The following CLEC12A variants were observed in gnomAD, a reference collection of about 807,000 sequenced individuals.
The protein encoded by CLEC12A is C-type lectin protein CLL-1.
In CLEC12A, 22 loss-of-function variants were observed where a neutral mutation model predicts 26.5. That is an observed-to-expected ratio of 0.83 (90% confidence interval 0.59 to 1.19). The LOEUF (loss-of-function observed/expected upper bound fraction) is 1.19. CLEC12A is among the 50% of genes most tolerant of loss of function. The probability of loss-of-function intolerance (pLI) is 0.00; values close to 1 mark genes in which losing one functional copy is unlikely to be tolerated. For synonymous variants in CLEC12A, 119 were observed against 101.9 expected (o/e 1.17, Z -1.01); for missense variants, 353 against 315.6 (o/e 1.12, Z -0.90).
At chr12:9,956,784 T>C (rs947814516) in intron 1 of CLEC12A, among the ~76,000 whole-genome samples, 4 of 152,212 alleles carry the variant, frequency 2.6e-5, no homozygotes, top group Admixed American at 1.3e-4. Context: ...AGAAACATTA[T>C]GTTTTGGAAG....
At position 9,979,440 on chromosome 12, in the gene CLEC12A, AT is replaced by A; in HGVS notation, c.296del (p.Ile99ThrfsTer15). 6.2e-7 allele frequency: 1 copy of A among 1,613,250 alleles called. No individual in the cohort carries two copies. Among genetic ancestry groups the A allele is most frequent in the Non-Finnish European group, 8.5e-7 (1 of 1,179,456 alleles). On this transcript the variant is annotated frameshift_variant, in exon 3 of 6. Coordinates refer to ENST00000304361, the MANE Select transcript of CLEC12A (RefSeq NM_138337.6). LOFTEE classifies it high-confidence loss of function. ...TCTACAACTGATGAGTAACATGAAT[AT>A]CTCCAACAAGATCAGGAACCTCTCC... ...ISLQLMSNMN[I>X]SNKIRNLSTT...
At chr12:9,989,279 G>C (rs982315508), downstream of CLEC12A, among the ~76,000 whole-genome samples, 1 of 151,524 alleles carries the variant, frequency 6.6e-6, no homozygotes, top group African/African-American at 2.4e-5. Context: ...CGAGTTAATG[G>C]GTGCAGCACA....
chr12:9,965,282 AGTT>A (rs1413007566), intron 1 of CLEC12A, among the ~76,000 whole-genome samples: 3 of 152,022 alleles, frequency 2.0e-5, no homozygotes, highest in African/African-American at 4.8e-5. Context: ...GAAGGAAAGG[AGTT>A]GTTGTTTTGT....
At chr12:10,002,226 A>C in the CLEC12A span, among the ~76,000 whole-genome samples, 2 of 152,276 alleles carry the variant, frequency 1.3e-5, no homozygotes, top group African/African-American at 4.8e-5. Flanking sequence ...TTGAATTTAA[A>C]ATAAAACCTT....
intron 2 of CLEC12A, 62 bp from the exon 3 acceptor site, chr12:9,979,274 A>G: frequency 7.8e-7 from 1 of 1,282,188 alleles, no homozygotes; most frequent in Non-Finnish European, 1.1e-6. Context: ...ACTTCTGCAA[A>G]TGATAAAGGA....
At chr12:9,983,656 C>G (rs978702782) in intron 5 of CLEC12A, 1 of 576,812 alleles carries the variant, frequency 1.7e-6, no homozygotes, top group Non-Finnish European at 3.1e-6. Context: ...TGTTGAGGTG[C>G]CACCACAGCG....
intron 4 of CLEC12A, chr12:9,991,896 G>A (rs566894998): frequency 6.6e-6 from 1 of 152,178 alleles, no homozygotes; most frequent in Admixed American, 6.5e-5. Context: ...TTCTCTAACT[G>A]TATTAAAGAC....
At chr12:9,958,237 C>G (rs1863774089) in intron 1 of CLEC12A, among the ~76,000 whole-genome samples, 1 of 152,180 alleles carries the variant, frequency 6.6e-6, no homozygotes, top group African/African-American at 2.4e-5. Flanking sequence ...GTTTTAAATG[C>G]TGCAGAGTGG....
upstream of CLEC12A, among the ~76,000 whole-genome samples, chr12:9,970,513 G>A (rs1189801011): frequency 1.3e-5 from 2 of 152,110 alleles, no homozygotes; most frequent in South Asian, 4.1e-4. Flanking sequence ...GAATATTAGA[G>A]AACATGCTCA....
At chr12:9,998,928 C>A, downstream of CLEC12A, 1 of 658,274 alleles carries the variant, frequency 1.5e-6, no homozygotes, top group Non-Finnish European at 2.5e-6. Context: ...TAACATCATT[C>A]AAGAAAAAGA....
In CLEC12A at chr12:9,985,472, G is replaced by T; in HGVS notation, c.*446G>T. Reference sequence around the variant, plus strand: ...GACTCCCTATGGCTGAAGGCCTTATGAGTCAAAGGACTTATAGCCAATTGA... The same window carrying T: ...GACTCCCTATGGCTGAAGGCCTTATTAGTCAAAGGACTTATAGCCAATTGA... On this transcript the variant is annotated 3_prime_UTR_variant, in exon 6 of 6. Transcript: ENST00000304361. 5.0e-6 allele frequency: 2 copies of T among 398,924 alleles called. No homozygotes were observed. Among genetic ancestry groups the T allele is most frequent in the Non-Finnish European group, 8.8e-6 (2 of 226,350 alleles). The allele number at this position is 398,924 out of a possible 1,614,324, so 24.7% of individuals were successfully genotyped here.
intron 1 of CLEC12A, among the ~76,000 whole-genome samples, chr12:9,961,742 T>TA (rs887827281): frequency 4.6e-5 from 7 of 150,640 alleles, no homozygotes; most frequent in South Asian, 4.2e-4. Context: ...TGAGACAACC[T>TA]AAAAAAAAAG....
the CLEC12A span, among the ~76,000 whole-genome samples, chr12:10,005,862 A>T: frequency 6.6e-6 from 1 of 151,198 alleles, no homozygotes. Context: ...ACTTTTCCCT[A>T]TTTCTTTTTT....
downstream of CLEC12A, among the ~76,000 whole-genome samples, chr12:9,998,034 G>C (rs1865093781): frequency 6.6e-6 from 1 of 151,966 alleles, no homozygotes; most frequent in Non-Finnish European, 1.5e-5. Context: ...ACACTGAGGA[G>C]GGTCTTAAAG....
chr12:9,957,511 AAC>A (rs1863762750), intron 1 of CLEC12A, among the ~76,000 whole-genome samples: 1 of 151,984 alleles, frequency 6.6e-6, no homozygotes, highest in Non-Finnish European at 1.5e-5. Flanking sequence ...AAAACAAAAA[AAC>A]AAAAAAAAGG....
intron 1 of CLEC12A, among the ~76,000 whole-genome samples, chr12:9,965,759 G>C (rs922378006): frequency 1.3e-5 from 2 of 152,090 alleles, no homozygotes; most frequent in African/African-American, 2.4e-5. Context: ...AGGCCATGCT[G>C]TAGCAGGAGA....
downstream of CLEC12A, among the ~76,000 whole-genome samples, chr12:9,987,010 C>T (rs760116201): frequency 3.3e-5 from 5 of 152,140 alleles, no homozygotes; most frequent in Middle Eastern, 3.2e-3. Context: ...GTCATAAAAT[C>T]ACAATCCAAA....
upstream of CLEC12A, among the ~76,000 whole-genome samples, chr12:9,969,948 T>C (rs1864066381): frequency 6.6e-6 from 1 of 152,188 alleles, no homozygotes; most frequent in African/African-American, 2.4e-5. Context: ...AGGGTGATAA[T>C]AATAGCACCT....
chr12:9,991,172 GA>G (rs768333595), intron 4 of CLEC12A: 5 of 152,126 alleles, frequency 3.3e-5, no homozygotes, highest in Non-Finnish European at 7.4e-5. Flanking sequence ...GTTTTAAATT[GA>G]AGAAGACAGA....
Sources: gnomAD v4.1 joint callset for allele counts (sites outside exome capture counted in the v4.1 genomes callset) on GRCh38, gnomAD v4.1.1 for gene constraint, MANE v1.5 for transcripts, NCBI Gene and HGNC (gene_info 2026-07-23, HGNC 2026-07-21) for gene names.